AFG1L: variants seen among roughly 807,000 people sequenced by gnomAD.
AFG1L encodes AFG1 like ATPase.
AFG1L carries 53 observed loss-of-function variants against 62.2 expected under a neutral mutation model. That is an observed-to-expected ratio of 0.85 (90% CI 0.68 to 1.07). AFG1L has a LOEUF of 1.07. AFG1L is among the 50% of genes least tolerant of loss of function. AFG1L has a pLI of 0.00. For missense variants in AFG1L, 555 were observed against 590.5 expected, an observed-to-expected ratio of 0.94 and a Z score of 0.62; for synonymous variants, 228 against 210.3, an observed-to-expected ratio of 1.08 and a Z score of -0.73.
intron 7 of AFG1L, among the ~76,000 whole-genome samples, chr6:108,404,396 A>G (rs1781761269): frequency 6.6e-6 from 1 of 152,188 alleles, no homozygotes; most frequent in Non-Finnish European, 1.5e-5. Context: ...TGCTTGGGAT[A>G]TTGAAAAATA....
Position 108,522,361 on chromosome 6 carries a change from T to C in AFG1L, c.1382T>C (p.Ile461Thr). The change falls in exon 13 of 13, where the codon ATT becomes ACT. Residue 461 changes from isoleucine to threonine, a missense_variant. By Grantham distance (89) the Ile-to-Thr change is moderately conservative. Coordinates refer to ENST00000368977, the MANE Select transcript of AFG1L (RefSeq NM_145315.5). ...EEEIFAFQRT[I>T]SRLTEMQTEQ... ...GAAATCTTTGCATTTCAGCGCACAATTTCCCGACTCACGGAAATGCAGACT... is the reference window on the plus strand; with the variant it reads ...GAAATCTTTGCATTTCAGCGCACAACTTCCCGACTCACGGAAATGCAGACT... 1 of 1,614,074 alleles carries C rather than the reference T, an allele frequency of 6.2e-7. No homozygotes were observed. Among genetic ancestry groups the C allele is most frequent in the East Asian group, 2.2e-5 (1 of 44,868 alleles).
chr6:108,517,838 G>A (rs1774964404), intron 11 of AFG1L, among the ~76,000 whole-genome samples: 1 of 152,198 alleles, frequency 6.6e-6, no homozygotes. Context: ...CAAAAAGTGG[G>A]TGAAGGATAT....
intron 2 of AFG1L, among the ~76,000 whole-genome samples, chr6:108,333,372 G>A (rs1485654865): frequency 6.6e-6 from 1 of 151,476 alleles, no homozygotes; most frequent in Non-Finnish European, 1.5e-5. Flanking sequence ...ATCCGCCACT[G>A]CACTCCAGCC....
rs1222781258 is a variant in AFG1L, at chr6:108,446,219, G to T, written c.808-995G>T. Among the ~76,000 whole-genome samples, 4 of 152,090 alleles carry T rather than the reference G, an allele frequency of 2.6e-5. 1 individual carries two copies. The highest frequency in any genetic ancestry group is 4.1e-4 in the South Asian group (2 of 4,828). On this transcript the variant is annotated intron_variant, in intron 7 of 12. Transcript: ENST00000368977. ...TGGGATGTGTGTGGTGTATGTGCTT[G>T]TGTGCACATATGCACCCTGGGGGAA...
chr6:108,375,946 T>G (rs1016999727), intron 6 of AFG1L, among the ~76,000 whole-genome samples: 5 of 152,118 alleles, frequency 3.3e-5, no homozygotes, highest in Admixed American at 2.0e-4. Flanking sequence ...GGTCTAGGGC[T>G]TTTTTGGATT....
rs186489244 is a variant in AFG1L, at chr6:108,318,849, T to C, written c.140-4976T>C. ...TAAGACAAATTAATACAAATCAAAA[T>C]AATATGGCAGCAGCATCACATAATT... On this transcript the variant is annotated intron_variant, in intron 1 of 12. Coordinates refer to ENST00000368977, the MANE Select transcript of AFG1L (RefSeq NM_145315.5). Among the ~76,000 whole-genome samples the C allele has an allele frequency of 5.9e-5, 9 of 152,320 alleles. No individual in the cohort carries two copies. In the East Asian group the frequency reaches 1.5e-3, roughly 26 times the overall value.
At chr6:108,487,049 G>A (rs1432464306) in intron 10 of AFG1L, among the ~76,000 whole-genome samples, 2 of 152,186 alleles carry the variant, frequency 1.3e-5, no homozygotes, top group Non-Finnish European at 2.9e-5. Context: ...GTATGCCTAT[G>A]TTATGAGGAA....
intron 6 of AFG1L, among the ~76,000 whole-genome samples, chr6:108,380,719 ATGCC>A (rs1279989408): frequency 6.6e-6 from 1 of 152,170 alleles, no homozygotes; most frequent in Non-Finnish European, 1.5e-5. Flanking sequence ...ATCTGGGAAA[ATGCC>A]TGCAGCATTT....
At chr6:108,314,998 C>G (rs963920963) in intron 1 of AFG1L, among the ~76,000 whole-genome samples, 2 of 151,832 alleles carry the variant, frequency 1.3e-5, no homozygotes, top group African/African-American at 2.4e-5. Flanking sequence ...ACTAGCATGC[C>G]CAGCTAATTT....
chr6:108,509,741 G>C (rs556256833), intron 10 of AFG1L, among the ~76,000 whole-genome samples: 3 of 152,134 alleles, frequency 2.0e-5, no homozygotes, highest in African/African-American at 7.2e-5. Context: ...TGAAAACACT[G>C]CCCTTGGTTT....
At position 108,401,928 on chromosome 6, in the gene AFG1L, A is replaced by G. The variant is rs1315882622; in HGVS notation, c.749-68A>G. 1.7e-5 allele frequency: 12 copies of G among 712,630 alleles called. No individual in the cohort carries two copies. The Admixed American group carries it at 3.7e-4, about 22-fold the overall frequency. The allele number at this position is 712,630 out of a possible 1,614,324, so 44.1% of individuals were successfully genotyped here. ...TAATCAGTAGAAAGCTTTATTTGCC[A>G]GGCTAAACGATAAATTAACATCATG... is the stretch of plus-strand genomic sequence containing the variant. On this transcript the variant is annotated intron_variant, in intron 6 of 12. Transcript: ENST00000368977.
intron 7 of AFG1L, among the ~76,000 whole-genome samples, chr6:108,414,429 A>G (rs1729173052): frequency 6.6e-6 from 1 of 152,214 alleles, no homozygotes; most frequent in African/African-American, 2.4e-5. Context: ...TTATGAGGCC[A>G]AAATCATCCT....
chr6:108,334,866 C>T (rs560856998), intron 2 of AFG1L, among the ~76,000 whole-genome samples: 33 of 152,276 alleles, frequency 2.2e-4, no homozygotes, highest in Admixed American at 1.6e-3. Flanking sequence ...GATCCTTGGA[C>T]GAGGCTGAGA....
At chr6:108,300,740 TCGGCTCACTGCAACCTC>T (rs1274244065) in intron 1 of AFG1L, among the ~76,000 whole-genome samples, 3 of 151,860 alleles carry the variant, frequency 2.0e-5, no homozygotes, top group African/African-American at 4.8e-5. Flanking sequence ...TGGAGCGATG[TCGGCTCACTGCAACCTC>T]CGTCTCACAG....
intron 1 of AFG1L, among the ~76,000 whole-genome samples, chr6:108,311,048 A>G (rs1162052775): frequency 6.6e-6 from 1 of 152,154 alleles, no homozygotes; most frequent in Non-Finnish European, 1.5e-5. Flanking sequence ...GGCATAAGCC[A>G]CTGCATTCTT....
At chr6:108,315,098 C>T (rs184712164) in intron 1 of AFG1L, among the ~76,000 whole-genome samples, 7 of 152,264 alleles carry the variant, frequency 4.6e-5, no homozygotes, top group Admixed American at 3.3e-4. Flanking sequence ...CTGCCTGCCT[C>T]GAACTCCTGG....
At chr6:108,328,082 T>C (rs1324848562) in intron 2 of AFG1L, among the ~76,000 whole-genome samples, 1 of 151,780 alleles carries the variant, frequency 6.6e-6, no homozygotes, top group South Asian at 2.1e-4. Flanking sequence ...ATTTCTCAGT[T>C]TATAGTTGAG....
At chr6:108,315,020 T>C (rs1777539689) in intron 1 of AFG1L, among the ~76,000 whole-genome samples, 1 of 152,018 alleles carries the variant, frequency 6.6e-6, no homozygotes, top group Admixed American at 6.5e-5. Context: ...TTTGTATTTT[T>C]AGTAGAGACG....
chr6:108,502,522 T>C (rs1774248067), intron 10 of AFG1L, among the ~76,000 whole-genome samples: 1 of 152,122 alleles, frequency 6.6e-6, no homozygotes, highest in Admixed American at 6.5e-5. Context: ...GTATTTTTAG[T>C]AGAGACAGGG....
Sources: allele counts gnomAD v4.1 joint callset (sites outside exome capture counted in the v4.1 genomes callset), GRCh38; gene constraint gnomAD v4.1.1; transcripts MANE v1.5; gene names NCBI Gene and HGNC (gene_info 2026-07-23, HGNC 2026-07-21).